SGCD: variants seen among roughly 807,000 people sequenced by gnomAD.
The protein encoded by SGCD is delta-sarcoglycan.
SGCD carries 18 observed loss-of-function variants against 36.6 expected under a neutral mutation model. The observed-to-expected ratio is 0.49, with a 90% CI of 0.34 to 0.73. The LOEUF is 0.73. Among genes scored for constraint, SGCD ranks in the 30% least tolerant of loss-of-function variants. The probability of loss-of-function intolerance (pLI) is 0.01; values close to 1 mark genes in which losing one functional copy is unlikely to be tolerated. For missense variants in SGCD, 387 were observed against 346.7 expected (o/e 1.12, Z -0.92); for synonymous variants, 133 against 130.6 (o/e 1.02, Z -0.12).
intron 3 of SGCD, among the ~76,000 whole-genome samples, chr5:156,156,238 A>C (rs1762960658): frequency 6.6e-6 from 1 of 151,536 alleles, no homozygotes; most frequent in African/African-American, 2.4e-5. Context: ...TGCAAAGAGT[A>C]CTCGGTAAGT....
At position 156,516,657 on chromosome 5, in the gene SGCD, G is replaced by A. The variant is rs76442770; in HGVS notation, c.294+7955G>A. 2.1e-3 allele frequency among the ~76,000 whole-genome samples: 317 copies of A among 152,306 alleles called. 1 individual carries two copies. The highest frequency in any genetic ancestry group is 7.4e-3 in the African/African-American group (308 of 41,558). On this transcript the variant is annotated intron_variant, in intron 4 of 8. Coordinates refer to ENST00000337851, the MANE Select transcript of SGCD (RefSeq NM_000337.6). ...TCTAGCAAGGACATAGAACTGGGCT[G>A]AGGCTGAGATGAATGAACTGACTGA...
intron 3 of SGCD, among the ~76,000 whole-genome samples, chr5:156,389,100 A>C: frequency 6.6e-6 from 1 of 152,212 alleles, no homozygotes; most frequent in East Asian, 1.9e-4. Flanking sequence ...TTGAATAGGC[A>C]CAGGTTTTTG....
At chr5:156,182,228 A>G (rs1561553618) in intron 3 of SGCD, among the ~76,000 whole-genome samples, 1 of 152,274 alleles carries the variant, frequency 6.6e-6, no homozygotes, top group Non-Finnish European at 1.5e-5. Flanking sequence ...TTAACATTGT[A>G]AGATATCAAG....
intron 3 of SGCD, among the ~76,000 whole-genome samples, chr5:156,424,965 C>T (rs1054982833): frequency 6.6e-6 from 1 of 151,954 alleles, no homozygotes; most frequent in African/African-American, 2.4e-5. Context: ...TGGGATATAC[C>T]AAAATCCCAG....
the SGCD span, among the ~76,000 whole-genome samples, chr5:155,743,576 A>G: frequency 3.9e-5 from 6 of 152,250 alleles, no homozygotes; most frequent in African/African-American, 1.4e-4. Context: ...ACAATAAATT[A>G]AAAACAAATA....
chr5:156,372,007 ACTGCATTTCC>A (rs1770413255), intron 3 of SGCD, among the ~76,000 whole-genome samples: 1 of 152,208 alleles, frequency 6.6e-6, no homozygotes, highest in Admixed American at 6.5e-5. Flanking sequence ...CTAAAAAGGC[ACTGCATTTCC>A]CTTAGTTCTC....
chr5:156,619,065 G>T (rs539125651), intron 6 of SGCD, among the ~76,000 whole-genome samples: 2 of 147,044 alleles, frequency 1.4e-5, no homozygotes, highest in South Asian at 2.2e-4. Flanking sequence ...TCGCTCTGTT[G>T]CCCAGGCTGG....
intron 3 of SGCD, among the ~76,000 whole-genome samples, chr5:156,461,232 TG>T (rs1754476623): frequency 6.6e-6 from 1 of 151,916 alleles, no homozygotes; most frequent in Non-Finnish European, 1.5e-5. Context: ...AGATGTGTAT[TG>T]CATTCTTATT....
intron 3 of SGCD, among the ~76,000 whole-genome samples, chr5:156,252,257 A>G (rs1243601345): frequency 6.6e-6 from 1 of 151,774 alleles, no homozygotes; most frequent in East Asian, 1.9e-4. Flanking sequence ...TTGTATTTTT[A>G]GTAGAGATGG....
intron 1 of SGCD, among the ~76,000 whole-genome samples, chr5:156,053,720 A>G (rs563524817): frequency 6.8e-6 from 1 of 146,452 alleles, no homozygotes; most frequent in South Asian, 2.2e-4. Flanking sequence ...TCCAGTTTGC[A>G]AGATACCTTA....
chr5:156,500,297 A>G (rs1756390141), intron 3 of SGCD, among the ~76,000 whole-genome samples: 1 of 152,226 alleles, frequency 6.6e-6, no homozygotes, highest in Non-Finnish European at 1.5e-5. Context: ...GCGCATAATA[A>G]TTGCCAAGCC....
chr5:156,559,590 G>A (rs1421614642), intron 4 of SGCD, among the ~76,000 whole-genome samples: 1 of 152,146 alleles, frequency 6.6e-6, no homozygotes, highest in African/African-American at 2.4e-5. Flanking sequence ...TTCTAATAGT[G>A]AGACTGGGCA....
chr5:156,196,350 C>T (rs566301011), intron 3 of SGCD, among the ~76,000 whole-genome samples: 49 of 152,296 alleles, frequency 3.2e-4, no homozygotes, highest in Non-Finnish European at 5.0e-4. Flanking sequence ...CCCCAAACTA[C>T]CTTTAACATA....
At chr5:156,439,803 C>G (rs1753405648) in intron 3 of SGCD, among the ~76,000 whole-genome samples, 3 of 152,048 alleles carry the variant, frequency 2.0e-5, no homozygotes, top group Non-Finnish European at 2.9e-5. Flanking sequence ...CTTAATTAGC[C>G]AGGAATCCTT....
rs1304140370 is a variant in SGCD, at chr5:156,504,381, GGT to G, written c.193-4209_193-4208del. ...TGTTATATGTACATGAGTATATGTG[GGT>G]GTGTGTGTGTATATATATATATATA... On this transcript the variant is annotated intron_variant, in intron 3 of 8. Transcript: ENST00000337851. Among the ~76,000 whole-genome samples, 810 of 121,762 alleles carry G rather than the reference GGT, an allele frequency of 6.7e-3. 7 individuals carry two copies. Among genetic ancestry groups the G allele is most frequent in the African/African-American group, 0.022 (657 of 29,486 alleles). 79.9% of individuals were successfully genotyped at this position (121,762 alleles called of 152,430 possible). A position where few individuals can be genotyped will look rare whatever the true frequency, so the allele number is the denominator to read the frequency against.
chr5:156,091,719 C>A (rs1002521341), intron 1 of SGCD, among the ~76,000 whole-genome samples: 11 of 152,226 alleles, frequency 7.2e-5, no homozygotes, highest in Admixed American at 7.2e-4. Flanking sequence ...ATGTTTGCAT[C>A]ATCAAAGAAG....
chr5:156,646,129 C>T (rs1310998021), intron 6 of SGCD, among the ~76,000 whole-genome samples: 1 of 152,102 alleles, frequency 6.6e-6, no homozygotes, highest in East Asian at 1.9e-4. Context: ...AACATATGGA[C>T]CCCCACTGGC....
At chr5:155,983,875 T>C (rs985454739) in intron 1 of SGCD, among the ~76,000 whole-genome samples, 3 of 152,224 alleles carry the variant, frequency 2.0e-5, no homozygotes, top group Non-Finnish European at 2.9e-5. Flanking sequence ...ATGCTTTGTC[T>C]AGCCTAATTC....
intron 5 of SGCD, 39 bp downstream of exon 5, chr5:156,589,357 G>A (rs765964702): frequency 3.8e-5 from 42 of 1,118,742 alleles, no homozygotes; most frequent in East Asian, 2.0e-4. Context: ...TAGCCCATGC[G>A]AGGCACTCAG....
Sources: gnomAD v4.1 joint callset for allele counts (sites outside exome capture counted in the v4.1 genomes callset) on GRCh38, gnomAD v4.1.1 for gene constraint, MANE v1.5 for transcripts, NCBI Gene and HGNC (gene_info 2026-07-23, HGNC 2026-07-21) for gene names.